FOXI3: variants seen among roughly 807,000 people sequenced by gnomAD.
The protein encoded by FOXI3 is forkhead box protein I3.
A neutral mutation model predicts 15.6 loss-of-function variants in FOXI3; 4 were observed. The ratio of observed to expected loss-of-function variants is 0.26; its 90% CI spans 0.13 to 0.59. The LOEUF is 0.59. Ranked by LOEUF, FOXI3 falls within the 20% of genes least tolerant of loss-of-function variation. The probability of loss-of-function intolerance (pLI) is 0.90; values close to 1 mark genes in which losing one functional copy is unlikely to be tolerated. For missense variants in FOXI3, 489 were observed against 548.2 expected (o/e 0.89, Z 1.08); for synonymous variants, 238 against 244.4 (o/e 0.97, Z 0.25).
intron 1 of FOXI3, among the ~76,000 whole-genome samples, chr2:88,451,485 G>C (rs1237828719): frequency 6.6e-6 from 1 of 152,070 alleles, no homozygotes; most frequent in African/African-American, 2.4e-5. Context: ...CTCCCACCGC[G>C]TCTTCTGCGA....
Position 88,448,096 on chromosome 2 carries a change from G to T in FOXI3, c.*111C>A, listed in dbSNP as rs181615935. 2 of 974,804 alleles carry T rather than the reference G, an allele frequency of 2.1e-6. No individual in the cohort carries two copies. Among genetic ancestry groups the T allele is most frequent in the South Asian group, 1.6e-5 (1 of 61,214 alleles). The allele number at this position is 974,804 out of a possible 1,614,324, so 60.4% of individuals were successfully genotyped here. A position where few individuals can be genotyped will look rare whatever the true frequency, so the allele number is the denominator to read the frequency against. ...GGACCACGAGATCACCCAGGAACTC[G>T]ACAGAAACGCAGAACTCAGGTCCTA... On this transcript the variant is annotated 3_prime_UTR_variant, in exon 2 of 2. Coordinates refer to ENST00000428390, the MANE Select transcript of FOXI3 (RefSeq NM_001135649.3).
chr2:88,450,646 C>T (rs1676028788), intron 1 of FOXI3, among the ~76,000 whole-genome samples: 1 of 152,026 alleles, frequency 6.6e-6, no homozygotes, highest in Non-Finnish European at 1.5e-5. Flanking sequence ...AAGTCTAGAG[C>T]AGTTTACACG....
chr2:88,448,529 G>A lies in FOXI3; in HGVS notation c.941C>T (p.Thr314Ile). Residue 314 changes from threonine (T) to isoleucine (I), a missense_variant, in exon 2 of 2, where the codon ACT becomes ATT. Thr to Ile is a moderately conservative substitution (Grantham distance 89, BLOSUM62 -1). Around this residue, in one of 3 missense-constraint regions of FOXI3, gnomAD observed 263 missense variants for 285.5 expected, o/e 0.92. Coordinates refer to ENST00000428390, the MANE Select transcript of FOXI3 (RefSeq NM_001135649.3). Reference protein sequence around the residue: ...PMLTSTPCLNTFFSSLSSLSV... With the variant: ...PMLTSTPCLNIFFSSLSSLSV... ...CAAGGAGCTGAGGCTGCTGAAGAAA[G>A]TGTTGAGACAAGGGGTGGAGGTGAG... 1 of 1,551,694 alleles carries A rather than the reference G, an allele frequency of 6.4e-7. No individual in the cohort carries two copies. The highest frequency in any genetic ancestry group is 8.7e-7 in the Non-Finnish European group (1 of 1,147,002).
In FOXI3 at chr2:88,448,123, C is replaced by A; in HGVS notation, c.*84G>T. The A allele has an allele frequency of 7.8e-7, 1 of 1,284,570 alleles. No homozygotes were observed. The allele number at this position is 1,284,570 out of a possible 1,614,324, so 79.6% of individuals were successfully genotyped here. ...CAGAAACGCAGAACTCAGGTCCTACCCCAGACCTACTGACTTGGAATCTGC... is the reference window on the plus strand; with the variant it reads ...CAGAAACGCAGAACTCAGGTCCTACACCAGACCTACTGACTTGGAATCTGC... On this transcript the variant is annotated 3_prime_UTR_variant, in exon 2 of 2. Coordinates refer to ENST00000428390, the MANE Select transcript of FOXI3 (RefSeq NM_001135649.3).
Position 88,452,126 on chromosome 2 carries a change from C to T in FOXI3, c.410G>A (p.Arg137His). ...GELGWLSMAS[R>H]EDLMKMVRPP... ...CCGCACCATCTTCATCAGGTCCTCGCGGCTGGCCATGGACAGCCAGCCCAG... is the reference window on the plus strand; with the variant it reads ...CCGCACCATCTTCATCAGGTCCTCGTGGCTGGCCATGGACAGCCAGCCCAG... The change falls in exon 1 of 2, where the codon CGC (arginine) becomes CAC (histidine). Residue 137 changes from arginine to histidine, a missense_variant. By Grantham distance (29) the Arg-to-His change is conservative. This residue lies in a region of FOXI3 where 224 missense variants were observed against 245.7 expected (regional missense o/e 0.91). Transcript: ENST00000428390. The T allele has an allele frequency of 6.5e-7, 1 of 1,549,988 alleles. No individual in the cohort carries two copies. Among genetic ancestry groups the T allele is most frequent in the Non-Finnish European group, 8.7e-7 (1 of 1,146,928 alleles).
Position 88,448,578 on chromosome 2 carries a change from CAGTACT to C in FOXI3, c.886_891del (p.Ser296_Thr297del). ...AGCATGGGTCCTCCAGGAGATGAGG[CAGTACT>C]CTTGGTGCCCTCCGGAGGCTCTGGG... On this transcript the variant is annotated inframe_deletion, in exon 2 of 2. Transcript: ENST00000428390. 1 of 1,551,558 alleles carries C rather than the reference CAGTACT, an allele frequency of 6.4e-7. No individual in the cohort carries two copies.
At chr2:88,451,776 C>T in intron 1 of FOXI3, 120 bp downstream of exon 1, 1 of 1,448,420 alleles carries the variant, frequency 6.9e-7, no homozygotes, top group East Asian at 2.5e-5. Flanking sequence ...TCCGCTCCCA[C>T]CCGCAGCCTG....
chr2:88,451,621 T>C (rs1261025740), intron 1 of FOXI3, among the ~76,000 whole-genome samples: 1 of 152,222 alleles, frequency 6.6e-6, no homozygotes, highest in Non-Finnish European at 1.5e-5. Context: ...CCTTCTGTTC[T>C]GGGATACAGA....
At position 88,452,257 on chromosome 2, in the gene FOXI3, CAGA is replaced by C; in HGVS notation, c.276_278del (p.Phe92del). 4 of 1,016,246 alleles carry C rather than the reference CAGA, an allele frequency of 3.9e-6. No homozygotes were observed. The South Asian group carries it at 1.8e-4, about 45-fold the overall frequency. The allele number at this position is 1,016,246 out of a possible 1,614,324, so 63.0% of individuals were successfully genotyped here. ...AGGTGCCGGCGGCAGGCGGTGGCTG[CAGA>C]AAGGGCCCGGCCGCGGCCCCGGGGG... On this transcript the variant is annotated inframe_deletion, in exon 1 of 2. Coordinates refer to ENST00000428390, the MANE Select transcript of FOXI3 (RefSeq NM_001135649.3).
At chr2:88,450,440 AAC>A (rs973368916) in intron 1 of FOXI3, among the ~76,000 whole-genome samples, 1 of 151,580 alleles carries the variant, frequency 6.6e-6, no homozygotes, top group African/African-American at 2.4e-5. Flanking sequence ...AAAAAAAAAA[AAC>A]CTCAGCATTC....
rs569976277 is a variant in FOXI3 at position 88,447,084 on chromosome 2, C to T, written c.*1123G>A. On this transcript the variant is annotated 3_prime_UTR_variant, in exon 2 of 2. Transcript: ENST00000428390. Reference sequence around the variant, plus strand: ...GTGATGACTAAAATAGACAAAGTGACCTAACATCCTGAAGTTTCACTTCCC... The same window carrying T: ...GTGATGACTAAAATAGACAAAGTGATCTAACATCCTGAAGTTTCACTTCCC... 4.6e-5 allele frequency: 7 copies of T among 152,256 alleles called. No individual in the cohort carries two copies. The South Asian group carries it at 6.2e-4, about 14-fold the overall frequency. 9.4% of individuals were successfully genotyped at this position (152,256 alleles called of 1,614,324 possible). A position where few individuals can be genotyped will look rare whatever the true frequency, so the allele number is the denominator to read the frequency against.
In FOXI3 at chr2:88,452,353, C is replaced by T; in HGVS notation, c.183G>A (p.Val61=). The T allele has an allele frequency of 3.0e-6, 3 of 984,836 alleles. No homozygotes were observed. The highest frequency in any genetic ancestry group is 3.6e-6 in the Non-Finnish European group (3 of 831,176). The allele number at this position is 984,836 out of a possible 1,614,324, so 61.0% of individuals were successfully genotyped here. A position where few individuals can be genotyped will look rare whatever the true frequency, so the allele number is the denominator to read the frequency against. ...NPYLWLNGPG[V]GGPPSAAAAA... ...CGGCGGCGGCGGAGGGCGGGCCTCC[C>T]ACGCCGGGCCCGTTGAGCCACAGGT... Residue 61 remains valine (V), a synonymous_variant, in exon 1 of 2, where the codon GTG becomes GTA. Transcript: ENST00000428390.
At chr2:88,451,590 AG>A (rs975060290) in intron 1 of FOXI3, among the ~76,000 whole-genome samples, 67 of 152,334 alleles carry the variant, frequency 4.4e-4, no homozygotes, top group African/African-American at 1.6e-3. Flanking sequence ...AAAAGGCCTA[AG>A]GAACACCACC....
At chr2:88,450,513 G>A (rs1016858) in intron 1 of FOXI3, among the ~76,000 whole-genome samples, 97,436 of 151,786 alleles carry the variant, frequency 0.64, 31,697 homozygotes, top group African/African-American at 0.74. Flanking sequence ...TAGTTATAGG[G>A]AAAAAAATTA....
chr2:88,448,903 G>A (rs1045563569), intron 1 of FOXI3, 74 bp from the exon 2 acceptor site: 3 of 1,440,326 alleles, frequency 2.1e-6, no homozygotes, highest in Non-Finnish European at 2.8e-6. Flanking sequence ...TTTCTGGGAG[G>A]AGAGCAGACT....
rs2104264305 is a variant in FOXI3 at position 88,452,302 on chromosome 2, A to T, written c.234T>A (p.Ala78=). Residue 78 remains alanine, a synonymous_variant, in exon 1 of 2, where the codon GCT becomes GCA. Transcript: ENST00000428390. ...CCCCGGGGGGCGGCGGCGGCGGCGG[A>T]GCGCCCAGGTACGCGGCGGCGGCTG... ...AAAAAAAYLG[A]PPPPPPPGAA... 2 of 980,452 alleles carry T rather than the reference A, an allele frequency of 2.0e-6. No homozygotes were observed. The highest frequency in any genetic ancestry group is 9.1e-5 in the South Asian group (2 of 22,076). 60.7% of individuals were successfully genotyped at this position (980,452 alleles called of 1,614,324 possible). A position where few individuals can be genotyped will look rare whatever the true frequency, so the allele number is the denominator to read the frequency against.
Position 88,448,108 on chromosome 2 carries a change from G to A in FOXI3, c.*99C>T, listed in dbSNP as rs1675968693. ...CACCCAGGAACTCGACAGAAACGCAGAACTCAGGTCCTACCCCAGACCTAC... is the reference window on the plus strand; with the variant it reads ...CACCCAGGAACTCGACAGAAACGCAAAACTCAGGTCCTACCCCAGACCTAC... On this transcript the variant is annotated 3_prime_UTR_variant, in exon 2 of 2. Coordinates refer to ENST00000428390, the MANE Select transcript of FOXI3 (RefSeq NM_001135649.3). 8 of 1,101,452 alleles carry A rather than the reference G, an allele frequency of 7.3e-6. No homozygotes were observed. Among genetic ancestry groups the A allele is most frequent in the African/African-American group, 1.6e-5 (1 of 63,072 alleles). The allele number at this position is 1,101,452 out of a possible 1,614,324, so 68.2% of individuals were successfully genotyped here. A position where few individuals can be genotyped will look rare whatever the true frequency, so the allele number is the denominator to read the frequency against.
At chr2:88,449,837 C>A (rs1035770845) in intron 1 of FOXI3, among the ~76,000 whole-genome samples, 1 of 152,194 alleles carries the variant, frequency 6.6e-6, no homozygotes, top group Non-Finnish European at 1.5e-5. Flanking sequence ...GGCAATATAA[C>A]TCCTTCCACT....
In FOXI3 at chr2:88,448,549, G is replaced by A. The variant is rs763111618; in HGVS notation, c.921C>T (p.Thr307=). The change falls in exon 2 of 2, where the codon ACC becomes ACT. Residue 307 remains threonine, a synonymous_variant. Transcript: ENST00000428390. ...TASSPGGPML[T]STPCLNTFFS... ...AGAAAGTGTTGAGACAAGGGGTGGA[G>A]GTGAGCATGGGTCCTCCAGGAGATG... The A allele has an allele frequency of 1.3e-6, 2 of 1,551,652 alleles. No individual in the cohort carries two copies. Among genetic ancestry groups the A allele is most frequent in the South Asian group, 2.4e-5 (2 of 84,058 alleles).
Sources: gnomAD v4.1 joint callset for allele counts (sites outside exome capture counted in the v4.1 genomes callset) on GRCh38, gnomAD v4.1.1 for gene constraint, gnomAD v4.1.1 regional missense constraint, MANE v1.5 for transcripts, NCBI Gene and HGNC (gene_info 2026-07-23, HGNC 2026-07-21) for gene names.